The following SLC35F4 variants were observed in gnomAD, a reference collection of about 807,000 sequenced individuals.
SLC35F4 encodes solute carrier family 35 member F4.
In SLC35F4, 24 loss-of-function variants were observed where a neutral mutation model predicts 44.2. The observed-to-expected ratio is 0.54, with a 90% CI of 0.39 to 0.76. The LOEUF (loss-of-function observed/expected upper bound fraction) is 0.76. SLC35F4 is among the 30% of genes least tolerant of loss of function. SLC35F4 has a pLI of 0.00. For missense variants in SLC35F4, 562 were observed against 586.1 expected (o/e 0.96, Z 0.42); for synonymous variants, 238 against 223.6 (o/e 1.06, Z -0.57).
chr14:57,577,987 G>T (rs757318030), intron 4 of SLC35F4, among the ~76,000 whole-genome samples: 4 of 152,070 alleles, frequency 2.6e-5, no homozygotes, highest in African/African-American at 9.7e-5. Context: ...GTAATTCAGT[G>T]TTCAAAAGAA....
chr14:57,882,380 G>A (rs1271208558), intron 1 of SLC35F4, among the ~76,000 whole-genome samples: 2 of 152,162 alleles, frequency 1.3e-5, no homozygotes, highest in African/African-American at 2.4e-5. Flanking sequence ...CCTCTCCAGA[G>A]AGAAGAATCA....
intron 1 of SLC35F4, among the ~76,000 whole-genome samples, chr14:57,854,482 A>C (rs749473769): frequency 1.3e-5 from 2 of 152,326 alleles, no homozygotes; most frequent in Admixed American, 6.5e-5. Flanking sequence ...TCCATGTATG[A>C]AAGGAACAAT....
At chr14:57,775,458 C>A (rs2077465980) in intron 1 of SLC35F4, among the ~76,000 whole-genome samples, 2 of 152,234 alleles carry the variant, frequency 1.3e-5, no homozygotes, top group Non-Finnish European at 1.5e-5. Context: ...AGGTTCCTAA[C>A]CTGGAGGAGC....
intron 1 of SLC35F4, among the ~76,000 whole-genome samples, chr14:57,950,429 A>G (rs1188011470): frequency 6.6e-6 from 1 of 151,354 alleles, no homozygotes; most frequent in Non-Finnish European, 1.5e-5. Context: ...TTAAGTCCAT[A>G]TCCTGTATTT....
At chr14:57,629,959 G>T in intron 1 of SLC35F4, 1 of 513,092 alleles carries the variant, frequency 1.9e-6, no homozygotes, top group East Asian at 5.4e-5. Context: ...TGTGGCCGAT[G>T]ACACCAGGTA....
intron 4 of SLC35F4, chr14:57,580,839 C>T: frequency 5.8e-6 from 1 of 173,308 alleles, no homozygotes; most frequent in Non-Finnish European, 1.2e-5. Context: ...GTCATCTCAA[C>T]ATATGTTGAT....
chr14:57,705,045 A>C (rs1293439536), intron 1 of SLC35F4, among the ~76,000 whole-genome samples: 1 of 152,208 alleles, frequency 6.6e-6, no homozygotes, highest in Non-Finnish European at 1.5e-5. Flanking sequence ...AATAATGTAT[A>C]GTTCTGCATT....
intron 1 of SLC35F4, among the ~76,000 whole-genome samples, chr14:57,906,032 A>G (rs1481212784): frequency 6.6e-6 from 1 of 152,208 alleles, no homozygotes; most frequent in Non-Finnish European, 1.5e-5. Context: ...AAGAGGACAC[A>G]GAAACGGAAC....
In SLC35F4 at chr14:57,570,035, G is replaced by A. The variant is rs530869556; in HGVS notation, c.934-55C>T. ...ACAGAAACTTAGCCAGAGCAGAAAC[G>A]TAAGTCTTACTGTTCCATACTGTGA... On this transcript the variant is annotated intron_variant, in intron 5 of 7. Coordinates refer to ENST00000556826, the MANE Select transcript of SLC35F4 (RefSeq NM_001306087.2). 3.8e-5 allele frequency: 56 copies of A among 1,490,732 alleles called. No homozygotes were observed. In the South Asian group the frequency reaches 5.0e-4, roughly 13 times the overall value. The allele number at this position is 1,490,732 out of a possible 1,614,324, so 92.3% of individuals were successfully genotyped here.
chr14:57,643,629 TG>T (rs2073352168), intron 1 of SLC35F4, among the ~76,000 whole-genome samples: 1 of 152,128 alleles, frequency 6.6e-6, no homozygotes, highest in Non-Finnish European at 1.5e-5. Context: ...ATTTTATTAT[TG>T]TTATACTTTA....
chr14:57,710,755 C>T (rs961037636), intron 1 of SLC35F4, among the ~76,000 whole-genome samples: 35 of 151,958 alleles, frequency 2.3e-4, no homozygotes, highest in African/African-American at 3.1e-4. Context: ...TCACATGGGT[C>T]CTGTAAGCCC....
At chr14:57,752,169 G>A (rs1250984965) in intron 1 of SLC35F4, among the ~76,000 whole-genome samples, 2 of 152,178 alleles carry the variant, frequency 1.3e-5, no homozygotes, top group African/African-American at 4.8e-5. Context: ...GTTAGGAGGA[G>A]CAGGATGAAG....
intron 1 of SLC35F4, among the ~76,000 whole-genome samples, chr14:57,755,712 G>C (rs1205077633): frequency 6.9e-6 from 1 of 144,534 alleles, no homozygotes; most frequent in African/African-American, 2.6e-5. Context: ...CAAAACTTAT[G>C]CTTCATAGTT....
Position 57,608,597 on chromosome 14 carries a change from G to A in SLC35F4, c.104-14473C>T, listed in dbSNP as rs139767423. ...CAGAACTGTGAGACAATACATTTCTGTTGTTTCAGCCACCATGTTTGTGGA... is the reference window on the plus strand; with the variant it reads ...CAGAACTGTGAGACAATACATTTCTATTGTTTCAGCCACCATGTTTGTGGA... On this transcript the variant is annotated intron_variant, in intron 1 of 7. Transcript: ENST00000556826. Among the ~76,000 whole-genome samples the A allele has an allele frequency of 1.0e-3, 152 of 152,228 alleles. 1 individual carries two copies. The highest frequency in any genetic ancestry group is 3.9e-3 in the Admixed American group (59 of 15,298).
intron 1 of SLC35F4, among the ~76,000 whole-genome samples, chr14:57,666,963 G>T (rs562736865): frequency 6.6e-6 from 1 of 151,302 alleles, no homozygotes; most frequent in African/African-American, 2.5e-5. Context: ...CCAAATGCAC[G>T]GAGTTCTCTG....
chr14:57,896,387 A>G (rs1888869695), intron 1 of SLC35F4, among the ~76,000 whole-genome samples: 1 of 152,222 alleles, frequency 6.6e-6, no homozygotes, highest in Non-Finnish European at 1.5e-5. Flanking sequence ...ACTCATTTCA[A>G]GAACAAGCAA....
At position 57,929,922 on chromosome 14, in the gene SLC35F4, C is replaced by A. The variant is rs368437924; in HGVS notation, n.282+51991G>T. 4.6e-5 allele frequency among the ~76,000 whole-genome samples: 7 copies of A among 152,222 alleles called. No homozygotes were observed. The East Asian group carries it at 1.2e-3, about 25-fold the overall frequency. The stretch of plus-strand genomic sequence containing the variant: ...CCGACAGTCTGGGTGCTTTTTTTCC[C>A]TTCACAGAAACAAGAGTTCTTTTAG... On this transcript the variant is annotated intron_variant and non_coding_transcript_variant, in intron 1 of 1. Transcript: ENST00000556568.
intron 1 of SLC35F4, among the ~76,000 whole-genome samples, chr14:57,613,055 C>G (rs2071603517): frequency 6.6e-6 from 1 of 152,178 alleles, no homozygotes; most frequent in Non-Finnish European, 1.5e-5. Flanking sequence ...CTCTAAGGAG[C>G]TATCATATTT....
intron 1 of SLC35F4, among the ~76,000 whole-genome samples, chr14:57,734,148 C>G (rs935233324): frequency 2.0e-5 from 3 of 152,062 alleles, no homozygotes; most frequent in Admixed American, 6.6e-5. Flanking sequence ...GAGATATAGG[C>G]TGGAATTAAG....
Sources: allele counts gnomAD v4.1 joint callset (sites outside exome capture counted in the v4.1 genomes callset), GRCh38; gene constraint gnomAD v4.1.1; transcripts MANE v1.5; gene names NCBI Gene and HGNC (gene_info 2026-07-23, HGNC 2026-07-21).